ROBO1: variants seen among roughly 807,000 people sequenced by gnomAD.
The protein encoded by ROBO1 is roundabout homolog 1.
In ROBO1, 149 loss-of-function variants were observed where a neutral mutation model predicts 195.9. The ratio of observed to expected loss-of-function variants is 0.76; its 90% CI spans 0.67 to 0.87. The LOEUF is 0.87. ROBO1 is among the 40% of genes least tolerant of loss of function. The probability of loss-of-function intolerance (pLI) is 0.00; values close to 1 mark genes in which losing one functional copy is unlikely to be tolerated. For missense variants in ROBO1, 1,933 were observed against 2,068.3 expected (o/e 0.93, Z 1.27); for synonymous variants, 816 against 733.2 (o/e 1.11, Z -1.82).
intron 2 of ROBO1, among the ~76,000 whole-genome samples, chr3:79,192,839 C>G (rs2081564046): frequency 6.6e-6 from 1 of 151,548 alleles, no homozygotes; most frequent in Non-Finnish European, 1.5e-5. Context: ...AAAATGTGCA[C>G]TCTGTTTATT....
At chr3:79,381,452 A>G (rs1198408367) in intron 2 of ROBO1, among the ~76,000 whole-genome samples, 1 of 151,870 alleles carries the variant, frequency 6.6e-6, no homozygotes, top group Non-Finnish European at 1.5e-5. Context: ...TGATGCAAAA[A>G]TAGCTGACTA....
At chr3:79,566,049 G>T (rs1943079093) in intron 2 of ROBO1, among the ~76,000 whole-genome samples, 1 of 152,018 alleles carries the variant, frequency 6.6e-6, no homozygotes, top group Non-Finnish European at 1.5e-5. Context: ...AACTAATGAA[G>T]AAAGAACTCT....
At chr3:79,207,337 G>C (rs1396720676) in intron 2 of ROBO1, among the ~76,000 whole-genome samples, 19 of 152,104 alleles carry the variant, frequency 1.2e-4, no homozygotes, top group Non-Finnish European at 2.9e-5. Flanking sequence ...TTTTGAAGGA[G>C]GTCAATCATG....
At chr3:78,788,421 CTTTTCT>C (rs1360792116) in intron 4 of ROBO1, among the ~76,000 whole-genome samples, 2 of 74,370 alleles carry the variant, frequency 2.7e-5, no homozygotes, top group Non-Finnish European at 5.3e-5. Context: ...CCCAGCCTCT[CTTTTCT>C]TTTTTTTTTT....
At chr3:79,163,949 G>A (rs1201521899) in intron 2 of ROBO1, among the ~76,000 whole-genome samples, 1 of 152,074 alleles carries the variant, frequency 6.6e-6, no homozygotes, top group East Asian at 1.9e-4. Flanking sequence ...CATTAGTATG[G>A]TAATGACATT....
At chr3:79,213,729 A>C (rs761997563) in intron 2 of ROBO1, among the ~76,000 whole-genome samples, 1 of 149,134 alleles carries the variant, frequency 6.7e-6, no homozygotes, top group Non-Finnish European at 1.5e-5. Flanking sequence ...TCTCCCACCC[A>C]CTGCTTTCCT....
At chr3:79,240,066 G>A (rs2082484047) in intron 2 of ROBO1, among the ~76,000 whole-genome samples, 2 of 151,998 alleles carry the variant, frequency 1.3e-5, no homozygotes, top group Admixed American at 1.3e-4. Flanking sequence ...AATATTTAAA[G>A]CCTTTTAGCA....
Position 78,600,185 on chromosome 3 carries a change from A to T in ROBO1, c.4869T>A (p.Gly1623=), listed in dbSNP as rs1235127720. 5 of 1,613,574 alleles carry T rather than the reference A, an allele frequency of 3.1e-6. No individual in the cohort carries two copies. Among genetic ancestry groups the T allele is most frequent in the Non-Finnish European group, 4.2e-6 (5 of 1,179,664 alleles). The change falls in exon 30 of 31, where the codon GGT becomes GGA. Residue 1623 remains glycine, a synonymous_variant. Transcript: ENST00000464233. ...CCTGCATTTCTGCAATATTTCTTCG[A>T]CCTACATTTGCTTGTTCTCTTTGTC... is the stretch of plus-strand genomic sequence containing the variant. The part of the protein sequence containing the change: ...GSRQREQANV[G]RRNIAEMQVL...
intron 2 of ROBO1, among the ~76,000 whole-genome samples, chr3:79,541,443 T>C (rs1310001106): frequency 6.6e-6 from 1 of 152,016 alleles, no homozygotes; most frequent in Non-Finnish European, 1.5e-5. Context: ...AGAGGGATTT[T>C]AGAGAAGGGA....
intron 10 of ROBO1, among the ~76,000 whole-genome samples, chr3:78,677,741 C>T (rs1285196595): frequency 2.0e-5 from 3 of 152,138 alleles, no homozygotes; most frequent in African/African-American, 7.2e-5. Context: ...TTTAACACCC[C>T]ACTGTCAACA....
intron 1 of ROBO1, among the ~76,000 whole-genome samples, chr3:79,642,775 C>A (rs780076660): frequency 1.3e-5 from 2 of 152,094 alleles, no homozygotes; most frequent in Non-Finnish European, 2.9e-5. Flanking sequence ...CAGTTTTTCA[C>A]TCTGAACGAA....
At chr3:78,601,312 C>G (rs1559630656) in intron 29 of ROBO1, among the ~76,000 whole-genome samples, 1 of 152,280 alleles carries the variant, frequency 6.6e-6, no homozygotes, top group Middle Eastern at 3.4e-3. Context: ...GCTCCTCTAT[C>G]CTTGCACAAA....
At chr3:78,679,700 G>A (rs1244143277) in intron 10 of ROBO1, among the ~76,000 whole-genome samples, 2 of 152,138 alleles carry the variant, frequency 1.3e-5, no homozygotes, top group African/African-American at 2.4e-5. Context: ...ACAAATGGAA[G>A]AACGTTCCAT....
intron 2 of ROBO1, among the ~76,000 whole-genome samples, chr3:79,557,510 G>C (rs1284432216): frequency 6.6e-6 from 1 of 151,652 alleles, no homozygotes; most frequent in East Asian, 1.9e-4. Context: ...GAGGGGGGTG[G>C]ATCACTTGAG....
At chr3:79,165,090 C>T (rs992639213) in intron 2 of ROBO1, among the ~76,000 whole-genome samples, 6 of 152,086 alleles carry the variant, frequency 3.9e-5, no homozygotes, top group African/African-American at 1.2e-4. Context: ...GGAATGTAAG[C>T]GCCATAAGGT....
At chr3:79,340,851 C>A (rs1203240742) in intron 2 of ROBO1, among the ~76,000 whole-genome samples, 1 of 152,052 alleles carries the variant, frequency 6.6e-6, no homozygotes, top group Admixed American at 6.6e-5. Context: ...CTAGCCTGAA[C>A]CTGGTATTTC....
chr3:78,930,617 G>A (rs72904254), intron 4 of ROBO1, among the ~76,000 whole-genome samples: 8,494 of 152,190 alleles, frequency 0.056, 672 homozygotes, highest in African/African-American at 0.18. Flanking sequence ...GCTTGACCTT[G>A]ACCTTGTCAT....
At chr3:78,932,888 ATTTT>A (rs994076973) in intron 4 of ROBO1, among the ~76,000 whole-genome samples, 1 of 152,122 alleles carries the variant, frequency 6.6e-6, no homozygotes, top group African/African-American at 2.4e-5. Flanking sequence ...TAATTTTAGA[ATTTT>A]TTTATAAAAA....
intron 3 of ROBO1, among the ~76,000 whole-genome samples, chr3:79,075,602 G>A (rs759224655): frequency 2.0e-5 from 3 of 151,856 alleles, no homozygotes; most frequent in Admixed American, 2.0e-4. Context: ...ACAGAGTTGT[G>A]CATTCACTAG....
Sources: gnomAD v4.1 joint callset for allele counts (sites outside exome capture counted in the v4.1 genomes callset) on GRCh38, gnomAD v4.1.1 for gene constraint, MANE v1.5 for transcripts, NCBI Gene and HGNC (gene_info 2026-07-23, HGNC 2026-07-21) for gene names.